The following KHDRBS2 variants were observed in gnomAD, a reference collection of about 807,000 sequenced individuals.
KHDRBS2 encodes KH RNA binding domain containing, signal transduction associated 2.
In KHDRBS2, 26 loss-of-function variants were observed where a neutral mutation model predicts 44.3. That is an observed-to-expected ratio of 0.59 (90% CI 0.43 to 0.81). KHDRBS2 has a LOEUF of 0.81. KHDRBS2 is among the 40% of genes least tolerant of loss of function. KHDRBS2 has a pLI of 0.00. For synonymous variants in KHDRBS2, 194 were observed against 151.1 expected (o/e 1.28, Z -2.08); for missense variants, 476 against 433.1 (o/e 1.10, Z -0.88).
At chr6:62,080,166 GT>G (rs1327941785) in intron 2 of KHDRBS2, among the ~76,000 whole-genome samples, 1 of 151,966 alleles carries the variant, frequency 6.6e-6, no homozygotes, top group African/African-American at 2.4e-5. Context: ...ACCTAAGGCA[GT>G]TTCTTGTTGC....
chr6:61,835,908 C>T (rs1244046184), intron 6 of KHDRBS2, among the ~76,000 whole-genome samples: 2 of 151,900 alleles, frequency 1.3e-5, no homozygotes, highest in African/African-American at 2.4e-5. Flanking sequence ...CGCTCATGCA[C>T]ATATAGGACA....
At chr6:61,646,852 C>T in the KHDRBS2 span, among the ~76,000 whole-genome samples, 1 of 152,042 alleles carries the variant, frequency 6.6e-6, no homozygotes, top group Non-Finnish European at 1.5e-5. Flanking sequence ...CTGAGTCTCA[C>T]TCAGTCGCCC....
intron 4 of KHDRBS2, among the ~76,000 whole-genome samples, chr6:61,963,404 T>C (rs1274722406): frequency 6.6e-6 from 1 of 152,072 alleles, no homozygotes; most frequent in East Asian, 1.9e-4. Context: ...CTCTAAAGTA[T>C]GTTGAGATGA....
At chr6:61,998,605 T>C (rs571130818) in intron 3 of KHDRBS2, among the ~76,000 whole-genome samples, 1 of 152,222 alleles carries the variant, frequency 6.6e-6, no homozygotes, top group South Asian at 2.1e-4. Context: ...TAGATACGAG[T>C]TCCAGAAAAC....
chr6:62,063,264 C>T (rs199810480), intron 2 of KHDRBS2, among the ~76,000 whole-genome samples: 30,055 of 147,268 alleles, frequency 0.2, 3,724 homozygotes, highest in Admixed American at 0.33. Context: ...AGGGAATCCT[C>T]CCTAACTCAT....
At chr6:61,701,393 A>G (rs957873546) in intron 7 of KHDRBS2, among the ~76,000 whole-genome samples, 4 of 151,950 alleles carry the variant, frequency 2.6e-5, no homozygotes, top group African/African-American at 9.7e-5. Context: ...TTACTTCTCT[A>G]TTTCAATCGC....
chr6:61,961,404 G>A (rs1475492913), intron 4 of KHDRBS2, among the ~76,000 whole-genome samples: 2 of 149,002 alleles, frequency 1.3e-5, no homozygotes, highest in East Asian at 2.0e-4. Context: ...AAGAAAGAAA[G>A]AAAAGAGAAA....
chr6:61,627,571 G>T, the KHDRBS2 span, among the ~76,000 whole-genome samples: 2 of 152,144 alleles, frequency 1.3e-5, no homozygotes, highest in South Asian at 2.1e-4. Context: ...TGAATTTTGA[G>T]TTCAACTTTA....
At chr6:61,977,662 T>C (rs1772964267) in intron 4 of KHDRBS2, among the ~76,000 whole-genome samples, 1 of 152,158 alleles carries the variant, frequency 6.6e-6, no homozygotes, top group African/African-American at 2.4e-5. Flanking sequence ...TTATTACATA[T>C]CTGATCTCTT....
At chr6:61,770,273 G>C (rs1043476615) in intron 6 of KHDRBS2, among the ~76,000 whole-genome samples, 2 of 152,190 alleles carry the variant, frequency 1.3e-5, no homozygotes, top group African/African-American at 4.8e-5. Context: ...CTAAAAATCA[G>C]AGTGCCTCTC....
chr6:61,575,702 C>A, the KHDRBS2 span, among the ~76,000 whole-genome samples: 1 of 152,096 alleles, frequency 6.6e-6, no homozygotes, highest in African/African-American at 2.4e-5. Context: ...TGGAACCAGC[C>A]TAAATGCCCA....
At chr6:62,079,385 T>C (rs1270004203) in intron 2 of KHDRBS2, among the ~76,000 whole-genome samples, 1 of 152,024 alleles carries the variant, frequency 6.6e-6, no homozygotes, top group Non-Finnish European at 1.5e-5. Context: ...ACTATGTATG[T>C]AGCATTATTG....
chr6:61,886,029 T>C (rs1208966098), intron 6 of KHDRBS2, among the ~76,000 whole-genome samples: 1 of 152,134 alleles, frequency 6.6e-6, no homozygotes, highest in East Asian at 1.9e-4. Context: ...TCCAATACCA[T>C]CCCTGTTGTC....
intron 6 of KHDRBS2, among the ~76,000 whole-genome samples, chr6:61,860,578 C>T (rs1234583572): frequency 2.0e-5 from 3 of 151,994 alleles, no homozygotes; most frequent in South Asian, 2.1e-4. Context: ...GCATAATATT[C>T]CATGGTGTAT....
intron 5 of KHDRBS2, among the ~76,000 whole-genome samples, chr6:61,897,043 G>A (rs1011712661): frequency 6.6e-6 from 1 of 152,018 alleles, no homozygotes; most frequent in Non-Finnish European, 1.5e-5. Context: ...CGATCTCATG[G>A]TTGCACCCTG....
At chr6:61,725,725 C>T (rs1242318371) in intron 7 of KHDRBS2, among the ~76,000 whole-genome samples, 2 of 152,034 alleles carry the variant, frequency 1.3e-5, no homozygotes, top group Non-Finnish European at 2.9e-5. Flanking sequence ...ACACCTATGC[C>T]TTCATAAGAC....
chr6:61,940,003 C>T (rs1337788867), intron 4 of KHDRBS2, among the ~76,000 whole-genome samples: 3 of 151,948 alleles, frequency 2.0e-5, no homozygotes, highest in Admixed American at 2.0e-4. Flanking sequence ...ATAAATGATG[C>T]TGCTCATGAT....
chr6:61,579,284 C>T, the KHDRBS2 span, among the ~76,000 whole-genome samples: 4 of 152,154 alleles, frequency 2.6e-5, no homozygotes, highest in Non-Finnish European at 5.9e-5. Flanking sequence ...GACTCCGTGT[C>T]TGGAAATGCT....
At chr6:61,578,538 C>G in the KHDRBS2 span, among the ~76,000 whole-genome samples, 1 of 152,062 alleles carries the variant, frequency 6.6e-6, no homozygotes, top group African/African-American at 2.4e-5. Flanking sequence ...ATATCATTGC[C>G]CTCGTATTTT....
Sources: gnomAD v4.1 joint callset for allele counts (sites outside exome capture counted in the v4.1 genomes callset) on GRCh38, gnomAD v4.1.1 for gene constraint, MANE v1.5 for transcripts, NCBI Gene and HGNC (gene_info 2026-07-23, HGNC 2026-07-21) for gene names.